Variants in ROBO2 observed in about 807,000 individuals in gnomAD.
The protein encoded by ROBO2 is roundabout homolog 2.
A neutral mutation model predicts 160.8 loss-of-function variants in ROBO2; 53 were observed. That is an observed-to-expected ratio of 0.33 (90% CI 0.26 to 0.41). The LOEUF is 0.41. Ranked by LOEUF, ROBO2 falls within the 10% of genes least tolerant of loss-of-function variation. The pLI is 1.00. For synonymous variants in ROBO2, 664 were observed against 611.7 expected, an observed-to-expected ratio of 1.09 and a Z score of -1.26; for missense variants, 1,577 against 1,722.4, an observed-to-expected ratio of 0.92 and a Z score of 1.49.
At chr3:75,922,241 T>G (rs570423979) in intron 1 of ROBO2, among the ~76,000 whole-genome samples, 4 of 152,258 alleles carry the variant, frequency 2.6e-5, no homozygotes, top group African/African-American at 7.2e-5. Context: ...CATTCATAAA[T>G]ACTAATTCCA....
chr3:76,572,424 C>T (rs891281831), intron 2 of ROBO2, among the ~76,000 whole-genome samples: 1 of 152,008 alleles, frequency 6.6e-6, no homozygotes, highest in Non-Finnish European at 1.5e-5. Flanking sequence ...GGGGTTGGAA[C>T]TGTATCAGTT....
chr3:77,033,001 T>C (rs1038026740), intron 2 of ROBO2, among the ~76,000 whole-genome samples: 31 of 152,322 alleles, frequency 2.0e-4, no homozygotes, highest in African/African-American at 7.5e-4. Flanking sequence ...GGATTATTAG[T>C]ACACTCCAAT....
At chr3:76,009,884 GAGTT>G (rs2066144074) in intron 2 of ROBO2, among the ~76,000 whole-genome samples, 2 of 152,028 alleles carry the variant, frequency 1.3e-5, no homozygotes, top group South Asian at 4.1e-4. Flanking sequence ...TTTTTCACTT[GAGTT>G]ATTTGTTGAA....
intron 2 of ROBO2, among the ~76,000 whole-genome samples, chr3:76,376,919 G>A (rs2076375950): frequency 2.6e-5 from 4 of 152,178 alleles, no homozygotes; most frequent in Admixed American, 2.6e-4. Context: ...GGTCTTCTTG[G>A]TTCCACAGGG....
intron 2 of ROBO2, among the ~76,000 whole-genome samples, chr3:76,103,067 C>G (rs1313389895): frequency 6.6e-6 from 1 of 152,100 alleles, no homozygotes; most frequent in Non-Finnish European, 1.5e-5. Context: ...TCGTGATCCG[C>G]CCGCCTCGGC....
chr3:77,431,340 G>T (rs1334511959), intron 2 of ROBO2, among the ~76,000 whole-genome samples: 1 of 152,176 alleles, frequency 6.6e-6, no homozygotes, highest in Non-Finnish European at 1.5e-5. Context: ...CCACAATGGA[G>T]AAATAATATA....
chr3:76,081,837 T>TAC (rs55705748), intron 2 of ROBO2, among the ~76,000 whole-genome samples: 9,748 of 147,976 alleles, frequency 0.066, 575 homozygotes, highest in African/African-American at 0.15. Flanking sequence ...TGTAAATACA[T>TAC]ACACACACAC....
chr3:76,356,197 A>G (rs2075151236), intron 2 of ROBO2, among the ~76,000 whole-genome samples: 1 of 151,720 alleles, frequency 6.6e-6, no homozygotes, highest in African/African-American at 2.4e-5. Flanking sequence ...TTATAGCTAA[A>G]ATAGAAATGG....
chr3:77,151,328 C>T (rs928198513), intron 2 of ROBO2, among the ~76,000 whole-genome samples: 14 of 152,052 alleles, frequency 9.2e-5, no homozygotes, highest in Non-Finnish European at 1.6e-4. Context: ...TCAGAAAATG[C>T]TACCGAATTA....
intron 2 of ROBO2, among the ~76,000 whole-genome samples, chr3:76,295,298 G>A (rs1223387898): frequency 6.6e-6 from 1 of 152,012 alleles, no homozygotes; most frequent in African/African-American, 2.4e-5. Flanking sequence ...TGGAGGGATG[G>A]GGTAAGAATC....
intron 4 of ROBO2, among the ~76,000 whole-genome samples, chr3:77,483,709 A>T (rs972059680): frequency 6.8e-6 from 1 of 148,100 alleles, no homozygotes; most frequent in Non-Finnish European, 1.5e-5. Flanking sequence ...AAGTATATAT[A>T]TTATTATTAT....
At chr3:76,034,453 A>T (rs2067034042) in intron 2 of ROBO2, among the ~76,000 whole-genome samples, 1 of 152,192 alleles carries the variant, frequency 6.6e-6, no homozygotes, top group Admixed American at 6.5e-5. Context: ...TAAGATGTGG[A>T]GACTAGGTTA....
chr3:76,046,795 T>A (rs2107793448), intron 2 of ROBO2, among the ~76,000 whole-genome samples: 1 of 151,044 alleles, frequency 6.6e-6, no homozygotes, highest in South Asian at 2.1e-4. Flanking sequence ...TTGGTGTTTC[T>A]CCCAAATAAC....
chr3:76,087,846 A>G (rs934656158), intron 2 of ROBO2, among the ~76,000 whole-genome samples: 3 of 152,090 alleles, frequency 2.0e-5, no homozygotes, highest in Non-Finnish European at 4.4e-5. Context: ...TTTGGATTAC[A>G]TGTAAAGGTA....
At chr3:77,290,009 C>T (rs1280308642) in intron 2 of ROBO2, among the ~76,000 whole-genome samples, 1 of 94,294 alleles carries the variant, frequency 1.1e-5, no homozygotes, top group Non-Finnish European at 2.2e-5. Flanking sequence ...AGGCTAGATC[C>T]CTAAAGACAT....
chr3:77,044,325 T>C (rs2064406769), intron 1 of ROBO2, among the ~76,000 whole-genome samples: 2 of 152,208 alleles, frequency 1.3e-5, no homozygotes, highest in Non-Finnish European at 2.9e-5. Flanking sequence ...CTGATGTATG[T>C]GGGATGTGTG....
chr3:77,150,631 G>C (rs542059001), intron 2 of ROBO2, among the ~76,000 whole-genome samples: 2 of 151,968 alleles, frequency 1.3e-5, no homozygotes, highest in Admixed American at 1.3e-4. Context: ...AAAAGTATCT[G>C]TAGATGGTCA....
In ROBO2 at chr3:76,969,276, A is replaced by C. The variant is rs148694029; in HGVS notation, c.110-128738A>C. Among the ~76,000 whole-genome samples, 1,071 of 152,306 alleles carry C rather than the reference A, an allele frequency of 7.0e-3. 14 individuals carry two copies. Among genetic ancestry groups the C allele is most frequent in the African/African-American group, 0.023 (938 of 41,582 alleles). On this transcript the variant is annotated intron_variant, in intron 2 of 26. Transcript: ENST00000487694. ...CTTATGAAAAATAATGAAGCTTTAAAATTTAATGACTAATTGAAATACCAG... is the reference window on the plus strand; with the variant it reads ...CTTATGAAAAATAATGAAGCTTTAACATTTAATGACTAATTGAAATACCAG...
At chr3:76,461,676 T>C (rs534904904) in intron 2 of ROBO2, among the ~76,000 whole-genome samples, 1 of 152,312 alleles carries the variant, frequency 6.6e-6, no homozygotes, top group Non-Finnish European at 1.5e-5. Context: ...TCTTTACAAA[T>C]TCTTCAAAGC....
Sources: gnomAD v4.1 joint callset for allele counts (sites outside exome capture counted in the v4.1 genomes callset) on GRCh38, gnomAD v4.1.1 for gene constraint, MANE v1.5 for transcripts, NCBI Gene and HGNC (gene_info 2026-07-23, HGNC 2026-07-21) for gene names.